CLDN10: variants seen among roughly 807,000 people sequenced by gnomAD.
The protein encoded by CLDN10 is claudin 10, also known as claudin-10.
A neutral mutation model predicts 22.9 loss-of-function variants in CLDN10; 15 were observed. The observed-to-expected ratio is 0.65, with a 90% confidence interval of 0.44 to 1.01. The LOEUF is 1.01. CLDN10 is among the 50% of genes least tolerant of loss of function. The probability of loss-of-function intolerance (pLI) is 0.00; values close to 1 mark genes in which losing one functional copy is unlikely to be tolerated. For synonymous variants in CLDN10, 114 were observed against 111.4 expected, an observed-to-expected ratio of 1.02 and a Z score of -0.15; for missense variants, 247 against 287.8, an observed-to-expected ratio of 0.86 and a Z score of 1.03.
intron 1 of CLDN10, among the ~76,000 whole-genome samples, chr13:95,459,755 T>A (rs147508166): frequency 2.8e-4 from 42 of 152,324 alleles, no homozygotes; most frequent in African/African-American, 8.9e-4. Flanking sequence ...TAACATTTGG[T>A]TCCTCATTAC....
intron 1 of CLDN10, among the ~76,000 whole-genome samples, chr13:95,495,561 A>G: frequency 6.6e-6 from 1 of 151,212 alleles, no homozygotes; most frequent in Non-Finnish European, 1.5e-5. Flanking sequence ...TGGCTAACAC[A>G]GTGAAACCCC....
At chr13:95,537,307 G>A (rs1017919132) in intron 1 of CLDN10, among the ~76,000 whole-genome samples, 3 of 152,054 alleles carry the variant, frequency 2.0e-5, no homozygotes, top group African/African-American at 7.2e-5. Flanking sequence ...TATTTGTTTT[G>A]TTGCCAGAGC....
At chr13:95,555,544 AC>A (rs1168358549) in intron 1 of CLDN10, among the ~76,000 whole-genome samples, 1 of 152,194 alleles carries the variant, frequency 6.6e-6, no homozygotes, top group African/African-American at 2.4e-5. Context: ...GCAATCTCAC[AC>A]CATTGTTCAT....
chr13:95,517,014 C>CCTTCCTTG (rs1555294986), intron 1 of CLDN10, among the ~76,000 whole-genome samples: 4 of 142,258 alleles, frequency 2.8e-5, no homozygotes, highest in African/African-American at 1.1e-4. Flanking sequence ...TTCCTTCCTT[C>CCTTCCTTG]CTTCCTTCCT....
chr13:95,449,892 C>A (rs891044476), intron 1 of CLDN10, among the ~76,000 whole-genome samples: 6 of 151,994 alleles, frequency 3.9e-5, no homozygotes, highest in Admixed American at 2.0e-4. Flanking sequence ...TACAGGCGCC[C>A]GCCACCACGC....
intron 1 of CLDN10, among the ~76,000 whole-genome samples, chr13:95,540,844 G>C (rs894356883): frequency 6.6e-6 from 1 of 152,198 alleles, no homozygotes; most frequent in African/African-American, 2.4e-5. Flanking sequence ...ACTACTATGT[G>C]ACACTTTTTG....
chr13:95,473,906 A>G (rs1276112449), intron 1 of CLDN10, among the ~76,000 whole-genome samples: 1 of 152,226 alleles, frequency 6.6e-6, no homozygotes, highest in Non-Finnish European at 1.5e-5. Flanking sequence ...AAACAGAAAT[A>G]AAAAATAAAG....
intron 1 of CLDN10, among the ~76,000 whole-genome samples, chr13:95,523,140 C>A (rs2043239763): frequency 6.6e-6 from 1 of 151,798 alleles, no homozygotes; most frequent in Non-Finnish European, 1.5e-5. Flanking sequence ...TCCTTTCTTT[C>A]CGTCTTTTGT....
chr13:95,494,483 T>G (rs1261697892), intron 1 of CLDN10, among the ~76,000 whole-genome samples: 3 of 152,214 alleles, frequency 2.0e-5, no homozygotes, highest in African/African-American at 7.2e-5. Context: ...TTTCTATTTG[T>G]TTTAAGGAGA....
chr13:95,512,756 C>G (rs1442855094), intron 1 of CLDN10, among the ~76,000 whole-genome samples: 3 of 152,204 alleles, frequency 2.0e-5, no homozygotes, highest in East Asian at 1.9e-4. Flanking sequence ...ACCCTATAGG[C>G]TTCCTTAGGA....
At chr13:95,463,325 T>TATATATATATATATATA (rs1566282981) in intron 1 of CLDN10, among the ~76,000 whole-genome samples, 5 of 101,142 alleles carry the variant, frequency 4.9e-5, no homozygotes, top group African/African-American at 7.0e-5. Context: ...TATATATATA[T>TATATATATATATATATA]TTGCCTTTTT....
At chr13:95,509,187 T>C (rs899716659) in intron 1 of CLDN10, among the ~76,000 whole-genome samples, 1 of 152,056 alleles carries the variant, frequency 6.6e-6, no homozygotes, top group African/African-American at 2.4e-5. Context: ...ATGAAAGAGA[T>C]AGAGAAACTA....
chr13:95,480,645 A>T (rs1258077181), intron 1 of CLDN10, among the ~76,000 whole-genome samples: 2 of 152,196 alleles, frequency 1.3e-5, no homozygotes, highest in Admixed American at 1.3e-4. Flanking sequence ...TAGAATGCAG[A>T]TCCCTTGGCT....
intron 3 of CLDN10, among the ~76,000 whole-genome samples, chr13:95,566,013 T>A (rs1049609797): frequency 6.6e-6 from 1 of 152,222 alleles, no homozygotes; most frequent in African/African-American, 2.4e-5. Context: ...ATTTTCTTAA[T>A]CCAGTCCATC....
intron 3 of CLDN10, among the ~76,000 whole-genome samples, chr13:95,568,840 A>G (rs2043818794): frequency 6.6e-6 from 1 of 152,118 alleles, no homozygotes; most frequent in African/African-American, 2.4e-5. Context: ...GTGATCGCTT[A>G]AAGGAACAGG....
intron 3 of CLDN10, among the ~76,000 whole-genome samples, chr13:95,565,397 T>C (rs1371889448): frequency 2.0e-5 from 3 of 152,204 alleles, no homozygotes; most frequent in African/African-American, 7.2e-5. Context: ...ATTGTTGTCT[T>C]AGACTTATTC....
chr13:95,542,230 C>T (rs1369900201), intron 1 of CLDN10, among the ~76,000 whole-genome samples: 1 of 152,204 alleles, frequency 6.6e-6, no homozygotes, highest in East Asian at 1.9e-4. Flanking sequence ...ATCCAGTCAC[C>T]TCCCATCAGG....
At chr13:95,566,904 C>A (rs1417750629) in intron 3 of CLDN10, among the ~76,000 whole-genome samples, 1 of 152,098 alleles carries the variant, frequency 6.6e-6, no homozygotes, top group Non-Finnish European at 1.5e-5. Context: ...TTGTTTTTGT[C>A]AGGTTTGTTA....
intron 1 of CLDN10, among the ~76,000 whole-genome samples, chr13:95,532,656 C>T (rs2043356111): frequency 6.6e-6 from 1 of 151,880 alleles, no homozygotes; most frequent in South Asian, 2.1e-4. Flanking sequence ...CCCATGATAA[C>T]ATGTTCACAA....
Sources: allele counts gnomAD v4.1 joint callset (sites outside exome capture counted in the v4.1 genomes callset), GRCh38; gene constraint gnomAD v4.1.1; transcripts MANE v1.5; gene names NCBI Gene and HGNC (gene_info 2026-07-23, HGNC 2026-07-21).